The following RICTOR variants were observed in gnomAD, a reference collection of about 807,000 sequenced individuals.
RICTOR encodes RPTOR independent companion of MTOR complex 2, also known as rapamycin-insensitive companion of mTOR.
Under a neutral mutation model 214.9 loss-of-function variants are expected in RICTOR, and 49 were observed. That is an observed-to-expected ratio of 0.23 (90% CI 0.18 to 0.29). The LOEUF (loss-of-function observed/expected upper bound fraction) is 0.29. RICTOR is among the 10% of genes least tolerant of loss of function. The pLI, the probability that RICTOR is intolerant of heterozygous loss-of-function variation, is 1.00. For missense variants in RICTOR, 1,625 were observed against 2,047.0 expected, an observed-to-expected ratio of 0.79 and a Z score of 3.98; for synonymous variants, 717 against 711.3, an observed-to-expected ratio of 1.01 and a Z score of -0.13.
At chr5:38,967,692 G>A (rs755430276) in intron 12 of RICTOR, among the ~76,000 whole-genome samples, 33 of 152,090 alleles carry the variant, frequency 2.2e-4, no homozygotes, top group Admixed American at 3.3e-4. Flanking sequence ...GTTTCTTACT[G>A]TCTCCTCTCT....
At chr5:38,989,310 C>T (rs771109395) in intron 7 of RICTOR, among the ~76,000 whole-genome samples, 3 of 152,104 alleles carry the variant, frequency 2.0e-5, no homozygotes, top group South Asian at 2.1e-4. Flanking sequence ...ACTGGCTAGC[C>T]GTATGCAGAA....
At chr5:39,013,075 G>C (rs973806856) in intron 3 of RICTOR, among the ~76,000 whole-genome samples, 11 of 152,138 alleles carry the variant, frequency 7.2e-5, no homozygotes, top group Admixed American at 2.6e-4. Flanking sequence ...CAACCCCTGG[G>C]TTGTCTTGTC....
intron 19 of RICTOR, 114 bp from the exon 20 acceptor site, chr5:38,960,647 T>C (rs933044035): frequency 7.6e-6 from 8 of 1,049,616 alleles, no homozygotes; most frequent in East Asian, 7.5e-5. Flanking sequence ...GTCTGAACCA[T>C]TGGGATAAAT....
rs752855130 is a variant in RICTOR at position 38,949,364 on chromosome 5, G to C, written c.4136+348C>G. The C allele has an allele frequency of 2.2e-5, 34 of 1,580,550 alleles. No individual in the cohort carries two copies. In the African/African-American group the frequency reaches 3.9e-4, roughly 18 times the overall value. On this transcript the variant is annotated intron_variant, in intron 31 of 37. Coordinates refer to ENST00000357387, the MANE Select transcript of RICTOR (RefSeq NM_152756.5). ...GCCTTAAATTGACCTACCTGAAAAG[G>C]TTGTTTGTTATTGTAGGTCTTAAGC...
At chr5:38,964,745 A>G (rs1284632779) in intron 16 of RICTOR, 47 bp downstream of exon 16, 4 of 934,170 alleles carry the variant, frequency 4.3e-6, no homozygotes, top group Admixed American at 2.2e-5. Context: ...ATCTAATTTG[A>G]TATTAAATAT....
chr5:39,056,302 A>C (rs1231945031), intron 2 of RICTOR, among the ~76,000 whole-genome samples: 3 of 152,210 alleles, frequency 2.0e-5, no homozygotes, highest in African/African-American at 4.8e-5. Context: ...GACAAGAAAT[A>C]TATACCGTAA....
At chr5:39,036,298 A>C (rs561119850) in intron 2 of RICTOR, among the ~76,000 whole-genome samples, 41 of 152,338 alleles carry the variant, frequency 2.7e-4, no homozygotes, top group African/African-American at 9.4e-4. Flanking sequence ...GCCTGCCCTA[A>C]AAGAGCTCCT....
chr5:39,011,300 C>T (rs1754497762), intron 3 of RICTOR, among the ~76,000 whole-genome samples: 1 of 152,166 alleles, frequency 6.6e-6, no homozygotes, highest in African/African-American at 2.4e-5. Flanking sequence ...TTGGGAACCT[C>T]CATCTAGATT....
intron 11 of RICTOR, chr5:38,970,964 G>A (rs1449989891): frequency 2.0e-5 from 3 of 152,164 alleles, no homozygotes; most frequent in Non-Finnish European, 2.9e-5. Flanking sequence ...TGTTTATATT[G>A]TTTTAATGAA....
At chr5:38,948,420 C>G (rs1748416990) in intron 31 of RICTOR, among the ~76,000 whole-genome samples, 1 of 152,070 alleles carries the variant, frequency 6.6e-6, no homozygotes, top group Non-Finnish European at 1.5e-5. Flanking sequence ...TAAAACTCTT[C>G]AAGGATTACT....
intron 2 of RICTOR, among the ~76,000 whole-genome samples, chr5:39,033,684 C>A (rs952458647): frequency 4.6e-5 from 7 of 152,028 alleles, no homozygotes; most frequent in Non-Finnish European, 8.8e-5. Context: ...GACTAGTAGT[C>A]AGGGGAGGAG....
intron 3 of RICTOR, among the ~76,000 whole-genome samples, chr5:39,009,314 C>T (rs922675849): frequency 4.6e-5 from 7 of 152,032 alleles, no homozygotes; most frequent in Non-Finnish European, 8.8e-5. Flanking sequence ...TTAACATTTC[C>T]TAGAGTTAGC....
At chr5:39,016,948 A>C (rs1412805057) in intron 3 of RICTOR, among the ~76,000 whole-genome samples, 1 of 152,222 alleles carries the variant, frequency 6.6e-6, no homozygotes, top group Non-Finnish European at 1.5e-5. Flanking sequence ...TGTTTTAGAT[A>C]TACTGGCTTA....
At chr5:38,970,746 T>A (rs1750710446) in intron 11 of RICTOR, 1 of 152,222 alleles carries the variant, frequency 6.6e-6, no homozygotes, top group Admixed American at 6.5e-5. Context: ...GATTTAACTG[T>A]ATAATACAAA....
chr5:39,039,319 C>G (rs201217775), intron 2 of RICTOR, among the ~76,000 whole-genome samples: 7,282 of 151,908 alleles, frequency 0.048, 337 homozygotes, highest in East Asian at 0.27. Flanking sequence ...ATTAATTCAA[C>G]ATGGATTAAA....
intron 2 of RICTOR, among the ~76,000 whole-genome samples, chr5:39,053,955 G>A (rs1488003882): frequency 1.3e-5 from 2 of 151,546 alleles, no homozygotes; most frequent in African/African-American, 4.9e-5. Context: ...GGTGGTGGGC[G>A]CCTGTAATCC....
chr5:39,070,400 C>T (rs1421223764), intron 2 of RICTOR, among the ~76,000 whole-genome samples: 4 of 152,008 alleles, frequency 2.6e-5, no homozygotes, highest in South Asian at 2.1e-4. Flanking sequence ...ACCCGGGAAG[C>T]GGAGCTTGCA....
intron 2 of RICTOR, among the ~76,000 whole-genome samples, chr5:39,063,306 C>T (rs779262372): frequency 2.0e-5 from 3 of 152,114 alleles, no homozygotes; most frequent in Non-Finnish European, 4.4e-5. Flanking sequence ...GCCAGAAGAG[C>T]CTGTCTGTAA....
Position 38,941,579 on chromosome 5 carries a change from T to G in RICTOR, c.*725A>C. ...TAAAATAAAAAATGATTTTTAAATT[T>G]TATTCAAGAACTGTAGTGAAAAACC... On this transcript the variant is annotated 3_prime_UTR_variant, in exon 38 of 38. Coordinates refer to ENST00000357387, the MANE Select transcript of RICTOR (RefSeq NM_152756.5). 1 of 231,480 alleles carries G rather than the reference T, an allele frequency of 4.3e-6. No homozygotes were observed. The highest frequency in any genetic ancestry group is 8.6e-6 in the Non-Finnish European group (1 of 116,844). The allele number at this position is 231,480 out of a possible 1,614,324, so 14.3% of individuals were successfully genotyped here. A position where few individuals can be genotyped will look rare whatever the true frequency, so the allele number is the denominator to read the frequency against.
Sources: gnomAD v4.1 joint callset for allele counts (sites outside exome capture counted in the v4.1 genomes callset) on GRCh38, gnomAD v4.1.1 for gene constraint, MANE v1.5 for transcripts, NCBI Gene and HGNC (gene_info 2026-07-23, HGNC 2026-07-21) for gene names.